Variants in APBB2 observed in about 807,000 individuals in gnomAD.
The protein encoded by APBB2 is amyloid beta precursor protein binding family B member 2.
A neutral mutation model predicts 82.5 loss-of-function variants in APBB2; 38 were observed. That is an observed-to-expected ratio of 0.46 (90% CI 0.36 to 0.60). APBB2 has a LOEUF of 0.60. Among genes scored for constraint, APBB2 ranks in the 20% least tolerant of loss-of-function variants. The pLI, the probability that APBB2 is intolerant of heterozygous loss-of-function variation, is 0.00. For missense variants in APBB2, 772 were observed against 972.3 expected, an observed-to-expected ratio of 0.79 and a Z score of 2.74; for synonymous variants, 341 against 368.2, an observed-to-expected ratio of 0.93 and a Z score of 0.85.
intron 6 of APBB2, among the ~76,000 whole-genome samples, chr4:41,000,366 G>C (rs1243209105): frequency 6.6e-6 from 1 of 152,156 alleles, no homozygotes; most frequent in African/African-American, 2.4e-5. Flanking sequence ...AGTAATTCTA[G>C]TGACAGCTAA....
intron 1 of APBB2, among the ~76,000 whole-genome samples, chr4:41,178,393 C>T (rs1770400553): frequency 6.6e-6 from 1 of 152,126 alleles, no homozygotes; most frequent in Non-Finnish European, 1.5e-5. Flanking sequence ...CCCACCCAGA[C>T]TAGAATGGAG....
intron 1 of APBB2, among the ~76,000 whole-genome samples, chr4:41,211,631 A>T (rs911702693): frequency 5.9e-5 from 9 of 151,718 alleles, no homozygotes; most frequent in African/African-American, 1.2e-4. Context: ...TACAGGCGGG[A>T]GCCACCACAC....
chr4:40,957,875 C>G (rs1223364571), intron 6 of APBB2, among the ~76,000 whole-genome samples: 1 of 152,132 alleles, frequency 6.6e-6, no homozygotes, highest in African/African-American at 2.4e-5. Flanking sequence ...TGAGCCACCA[C>G]ACCCGGCCTC....
At chr4:40,902,071 C>T (rs28499403) in intron 10 of APBB2, among the ~76,000 whole-genome samples, 5,855 of 152,090 alleles carry the variant, frequency 0.038, 366 homozygotes, top group African/African-American at 0.13. Flanking sequence ...TGACCTACCT[C>T]GAATAAGGTT....
chr4:40,828,270 A>C (rs1298126029), intron 13 of APBB2, among the ~76,000 whole-genome samples: 1 of 152,202 alleles, frequency 6.6e-6, no homozygotes, highest in Admixed American at 6.5e-5. Flanking sequence ...TTAAGAGTAA[A>C]GCACTTTATA....
chr4:41,102,943 A>C (rs2153971426), intron 2 of APBB2, among the ~76,000 whole-genome samples: 1 of 152,258 alleles, frequency 6.6e-6, no homozygotes, highest in South Asian at 2.1e-4. Context: ...TTCCTCTCCT[A>C]AGCACTGTGA....
intron 6 of APBB2, among the ~76,000 whole-genome samples, chr4:40,978,926 A>ACT (rs1553891408): frequency 6.6e-6 from 1 of 150,944 alleles, no homozygotes; most frequent in African/African-American, 2.4e-5. Context: ...GGAACTCATG[A>ACT]TTTTTTTTTT....
intron 10 of APBB2, among the ~76,000 whole-genome samples, chr4:40,904,452 T>C (rs1776151321): frequency 6.7e-6 from 1 of 150,136 alleles, no homozygotes; most frequent in Non-Finnish European, 1.5e-5. Flanking sequence ...AATAAATAAA[T>C]AAATAAATAA....
At chr4:40,961,065 G>A (rs534989296) in intron 6 of APBB2, among the ~76,000 whole-genome samples, 16 of 152,256 alleles carry the variant, frequency 1.1e-4, no homozygotes, top group African/African-American at 3.6e-4. Context: ...GAGCAGGAAG[G>A]CAGAAGAAAT....
chr4:41,110,573 A>G (rs952914559), intron 2 of APBB2, among the ~76,000 whole-genome samples: 7 of 150,828 alleles, frequency 4.6e-5, no homozygotes, highest in East Asian at 2.0e-4. Context: ...ACTGCACTCC[A>G]GCCTGGGCAT....
At chr4:40,889,122 C>T (rs1771223017) in intron 12 of APBB2, among the ~76,000 whole-genome samples, 1 of 152,272 alleles carries the variant, frequency 6.6e-6, no homozygotes, top group African/African-American at 2.4e-5. Flanking sequence ...CATCATTCAT[C>T]ACTCTGGTAC....
intron 13 of APBB2, 39 bp downstream of exon 13, chr4:40,830,424 A>G (rs374169179): frequency 2.4e-5 from 34 of 1,436,704 alleles, no homozygotes; most frequent in Non-Finnish European, 3.3e-5. Flanking sequence ...AGCAAGAAAA[A>G]AAGAGAGAGG....
intron 1 of APBB2, among the ~76,000 whole-genome samples, chr4:41,160,038 A>AAGAAGAAGAAG (rs1247891414): frequency 8.9e-5 from 11 of 123,198 alleles, no homozygotes; most frequent in African/African-American, 2.8e-4. Flanking sequence ...AGAAGAAGAA[A>AAGAAGAAGAAG]ACATCACAGG....
rs138654240 is a variant in APBB2, at chr4:40,993,768, G to A, written c.835+19815C>T. On this transcript the variant is annotated intron_variant, in intron 6 of 17. Coordinates refer to ENST00000508593, the MANE Select transcript of APBB2 (RefSeq NM_004307.2). The stretch of plus-strand genomic sequence containing the variant: ...AATGTTTTCCACGTTTTTCATTAAG[G>A]CTGTGATTCTTGTTAAATGTTAGCC... 2.9e-3 allele frequency among the ~76,000 whole-genome samples: 435 copies of A among 151,952 alleles called. 3 individuals carry two copies. The highest frequency in any genetic ancestry group is 0.01 in the African/African-American group (421 of 41,452).
rs1375446899 is a variant in APBB2, at chr4:40,827,165, T to C, written c.1699A>G (p.Arg567Gly). 11 of 1,614,186 alleles carry C rather than the reference T, an allele frequency of 6.8e-6. No individual in the cohort carries two copies. The highest frequency in any genetic ancestry group is 8.5e-6 in the Non-Finnish European group (10 of 1,180,030). ...KALACSSLQE[R>G]ANVNLDVPLQ... ...GGGACATCGAGGTTCACATTGGCCC[T>C]TTCCTGTAAGGAGCTGCAGGCCAGC... Residue 567 changes from arginine to glycine, a missense_variant, in exon 14 of 18, where the codon AGG becomes GGG. By Grantham distance (125) the Arg-to-Gly change is moderately radical. Transcript: ENST00000508593.
At chr4:40,870,920 T>C (rs1045735431) in intron 12 of APBB2, among the ~76,000 whole-genome samples, 1 of 151,890 alleles carries the variant, frequency 6.6e-6, no homozygotes, top group Non-Finnish European at 1.5e-5. Flanking sequence ...TTAGCAGAGA[T>C]GAACTCCCCA....
chr4:41,184,716 A>G (rs1296280577), intron 1 of APBB2, among the ~76,000 whole-genome samples: 2 of 152,214 alleles, frequency 1.3e-5, no homozygotes, highest in East Asian at 3.9e-4. Flanking sequence ...AACAGCGTCC[A>G]TGACTCAGTT....
At chr4:40,824,963 C>T (rs1749381590) in intron 15 of APBB2, among the ~76,000 whole-genome samples, 1 of 152,186 alleles carries the variant, frequency 6.6e-6, no homozygotes, top group Admixed American at 6.5e-5. Context: ...AACGTAATCA[C>T]ACAGTATGCA....
At chr4:40,982,967 C>T (rs1406294533) in intron 6 of APBB2, among the ~76,000 whole-genome samples, 2 of 152,124 alleles carry the variant, frequency 1.3e-5, no homozygotes, top group Admixed American at 6.5e-5. Context: ...GCCCTTCTAG[C>T]CTGACCTGCA....
Sources: allele counts gnomAD v4.1 joint callset (sites outside exome capture counted in the v4.1 genomes callset), GRCh38; gene constraint gnomAD v4.1.1; transcripts MANE v1.5; gene names NCBI Gene and HGNC (gene_info 2026-07-23, HGNC 2026-07-21).